ROR1: variants seen among roughly 807,000 people sequenced by gnomAD.
ROR1 encodes the protein ROR family WNT receptor 1, also known as inactive tyrosine-protein kinase transmembrane receptor ROR1.
ROR1 carries 19 observed loss-of-function variants against 78.8 expected under a neutral mutation model. That is an observed-to-expected ratio of 0.24 (90% CI 0.17 to 0.35). The LOEUF (loss-of-function observed/expected upper bound fraction) is 0.35, where lower values mean the gene tolerates loss of function less well. ROR1 is among the 10% of genes least tolerant of loss of function. The pLI, the probability that ROR1 is intolerant of heterozygous loss-of-function variation, is 1.00. For synonymous variants in ROR1, 386 were observed against 433.6 expected (o/e 0.89, Z 1.36); for missense variants, 917 against 1,177.8 (o/e 0.78, Z 3.24).
At chr1:63,824,311 A>G (rs1326036701) in intron 1 of ROR1, among the ~76,000 whole-genome samples, 1 of 152,244 alleles carries the variant, frequency 6.6e-6, no homozygotes, top group African/African-American at 2.4e-5. Context: ...GAAAGCAGCC[A>G]TAGATAATTT....
chr1:64,126,233 G>A (rs1479216302), intron 4 of ROR1, among the ~76,000 whole-genome samples: 1 of 152,168 alleles, frequency 6.6e-6, no homozygotes, highest in African/African-American at 2.4e-5. Context: ...TTTAATACCA[G>A]GACCTGAGAA....
At chr1:64,033,881 G>T (rs1429869055) in intron 2 of ROR1, among the ~76,000 whole-genome samples, 1 of 152,312 alleles carries the variant, frequency 6.6e-6, no homozygotes, top group East Asian at 1.9e-4. Flanking sequence ...TTGGAGATGT[G>T]AAATAATTTG....
intron 1 of ROR1, among the ~76,000 whole-genome samples, chr1:63,855,788 A>G (rs1385951836): frequency 2.0e-5 from 3 of 150,710 alleles, no homozygotes; most frequent in Non-Finnish European, 4.4e-5. Flanking sequence ...AGCTGGGACT[A>G]TAGGCGCATG....
intron 2 of ROR1, among the ~76,000 whole-genome samples, chr1:64,017,504 A>G (rs750156110): frequency 2.0e-5 from 3 of 152,096 alleles, no homozygotes; most frequent in Non-Finnish European, 4.4e-5. Context: ...GTCCATCTTG[A>G]TTCTTCAAAA....
intron 2 of ROR1, among the ~76,000 whole-genome samples, chr1:64,026,555 A>G (rs964516941): frequency 3.9e-5 from 6 of 152,194 alleles, no homozygotes; most frequent in African/African-American, 1.4e-4. Flanking sequence ...TATCTGTACT[A>G]GTCCATTTTC....
intron 1 of ROR1, among the ~76,000 whole-genome samples, chr1:63,932,213 C>T (rs1321693077): frequency 6.6e-6 from 1 of 151,990 alleles, no homozygotes; most frequent in Admixed American, 6.6e-5. Context: ...GGGGAGGTTG[C>T]CTGGCATGGG....
At chr1:64,104,534 G>A (rs956355345) in intron 4 of ROR1, among the ~76,000 whole-genome samples, 13 of 151,252 alleles carry the variant, frequency 8.6e-5, no homozygotes, top group Admixed American at 4.6e-4. Flanking sequence ...TATAGAACAC[G>A]CAGATTTGTT....
intron 1 of ROR1, chr1:63,789,051 G>T: frequency 1.6e-6 from 1 of 628,346 alleles, no homozygotes; most frequent in Non-Finnish European, 3.1e-6. Context: ...CCGGGCATTG[G>T]TTGTACCCTT....
chr1:63,787,804 G>T (rs1419158664), intron 1 of ROR1, among the ~76,000 whole-genome samples: 1 of 152,234 alleles, frequency 6.6e-6, no homozygotes, highest in Non-Finnish European at 1.5e-5. Flanking sequence ...GGGATTACAG[G>T]CATAAGCCAC....
At chr1:64,101,230 A>G (rs1255302564) in intron 4 of ROR1, among the ~76,000 whole-genome samples, 8 of 152,128 alleles carry the variant, frequency 5.3e-5, no homozygotes, top group Non-Finnish European at 1.2e-4. Flanking sequence ...CTGGGACATC[A>G]AGGGACTCCA....
chr1:63,786,121 C>G (rs141422900), intron 1 of ROR1, among the ~76,000 whole-genome samples: 1 of 151,996 alleles, frequency 6.6e-6, no homozygotes, highest in African/African-American at 2.4e-5. Flanking sequence ...GACTGTGCTC[C>G]GGGCCTCTGC....
At chr1:63,838,947 A>G (rs553920287) in intron 1 of ROR1, among the ~76,000 whole-genome samples, 1 of 152,334 alleles carries the variant, frequency 6.6e-6, no homozygotes, top group Admixed American at 6.5e-5. Context: ...GTATGGTAAC[A>G]TGCTGTACAA....
chr1:63,958,067 T>C (rs753723959), intron 1 of ROR1, among the ~76,000 whole-genome samples: 81 of 152,312 alleles, frequency 5.3e-4, no homozygotes, highest in Non-Finnish European at 1.1e-3. Flanking sequence ...GACCTTTCCA[T>C]TGCAGCACTT....
intron 1 of ROR1, among the ~76,000 whole-genome samples, chr1:63,975,215 G>T (rs1251382520): frequency 6.6e-6 from 1 of 152,130 alleles, no homozygotes; most frequent in Non-Finnish European, 1.5e-5. Context: ...GAAAAAAGAG[G>T]ATACTGGAGC....
chr1:63,982,630 G>A (rs1486564640), intron 1 of ROR1, among the ~76,000 whole-genome samples: 4 of 152,250 alleles, frequency 2.6e-5, no homozygotes, highest in East Asian at 1.9e-4. Context: ...TGAAGAGACC[G>A]CATTAAGTGT....
chr1:64,145,262 A>C (rs1649443214), intron 7 of ROR1, among the ~76,000 whole-genome samples: 1 of 152,216 alleles, frequency 6.6e-6, no homozygotes, highest in Non-Finnish European at 1.5e-5. Context: ...GTATGATACA[A>C]TAGAAGTTAG....
chr1:63,949,636 G>A (rs1353805666), intron 1 of ROR1, among the ~76,000 whole-genome samples: 1 of 152,074 alleles, frequency 6.6e-6, no homozygotes, highest in Non-Finnish European at 1.5e-5. Flanking sequence ...CACAGAATGT[G>A]TCTGGAAAGT....
intron 1 of ROR1, among the ~76,000 whole-genome samples, chr1:63,981,943 C>A (rs892154502): frequency 3.3e-5 from 5 of 152,090 alleles, no homozygotes; most frequent in African/African-American, 1.2e-4. Flanking sequence ...GTTGCTCTCG[C>A]TTGCCTCCCT....
intron 1 of ROR1, among the ~76,000 whole-genome samples, chr1:63,993,844 T>C (rs140586949): frequency 0.018 from 2,782 of 152,292 alleles, 32 homozygotes; most frequent in Non-Finnish European, 0.029. Context: ...GTTGTAACAA[T>C]ATCATTTCAT....
Sources: allele counts gnomAD v4.1 joint callset (sites outside exome capture counted in the v4.1 genomes callset), GRCh38; gene constraint gnomAD v4.1.1; transcripts MANE v1.5; gene names NCBI Gene and HGNC (gene_info 2026-07-23, HGNC 2026-07-21).